Variants in ZNF148 observed in about 807,000 individuals in gnomAD.
ZNF148 encodes the protein Beta-Enolase Repressor Factor-1.
Under a neutral mutation model 67.7 loss-of-function variants are expected in ZNF148, and 7 were observed. The ratio of observed to expected loss-of-function variants is 0.10; its 90% confidence interval spans 0.06 to 0.19. ZNF148 has a LOEUF of 0.19. Among genes scored for constraint, ZNF148 ranks in the 10% least tolerant of loss-of-function variants. The probability of loss-of-function intolerance (pLI) is 1.00; values close to 1 mark genes in which losing one functional copy is unlikely to be tolerated. For missense variants in ZNF148, 583 were observed against 947.1 expected (o/e 0.62, Z 5.05); for synonymous variants, 333 against 330.7 (o/e 1.01, Z -0.08).
At chr3:125,272,892 G>C (rs1937832521) in intron 7 of ZNF148, among the ~76,000 whole-genome samples, 1 of 152,174 alleles carries the variant, frequency 6.6e-6, no homozygotes, top group Non-Finnish European at 1.5e-5. Flanking sequence ...CTCTGTCCAT[G>C]CCAGTGCAGT....
chr3:125,348,777 C>A (rs745411343), intron 1 of ZNF148, among the ~76,000 whole-genome samples: 1 of 152,100 alleles, frequency 6.6e-6, no homozygotes. Context: ...ACCACAAAAG[C>A]CCCCGAATGT....
intron 1 of ZNF148, among the ~76,000 whole-genome samples, chr3:125,333,456 T>G (rs1941370598): frequency 6.6e-6 from 1 of 152,220 alleles, no homozygotes; most frequent in Non-Finnish European, 1.5e-5. Context: ...GGAACCCTAA[T>G]TCATTTAGCA....
At chr3:125,323,968 A>G (rs1940906347) in intron 2 of ZNF148, among the ~76,000 whole-genome samples, 1 of 151,908 alleles carries the variant, frequency 6.6e-6, no homozygotes, top group South Asian at 2.1e-4. Context: ...CAAAAAAAAA[A>G]AAAAGGAAAA....
chr3:125,258,909 G>A (rs1269741047), intron 7 of ZNF148, among the ~76,000 whole-genome samples: 2 of 151,776 alleles, frequency 1.3e-5, no homozygotes, highest in Non-Finnish European at 2.9e-5. Context: ...CCAAATTTTT[G>A]GTTTTGGATT....
At position 125,279,254 on chromosome 3, in the gene ZNF148, C is replaced by CAAAAAAA; in HGVS notation, c.460-14_460-8dup. On this transcript the variant is annotated splice_polypyrimidine_tract_variant and splice_region_variant and intron_variant, in intron 5 of 8. Coordinates refer to ENST00000360647, the MANE Select transcript of ZNF148 (RefSeq NM_021964.3). ...CCTCATTTATTGTAAGGATCTAGTT[C>CAAAAAAA]AAAAAAAAAAAGGCAAAAACAAAAG... 1 of 1,316,884 alleles carries CAAAAAAA rather than the reference C, an allele frequency of 7.6e-7. No individual in the cohort carries two copies. The highest frequency in any genetic ancestry group is 1.8e-5 in the South Asian group (1 of 57,054). 81.6% of individuals were successfully genotyped at this position (1,316,884 alleles called of 1,614,324 possible).
Position 125,313,471 on chromosome 3 carries a change from A to T in ZNF148, c.170T>A (p.Ile57Asn). The T allele has an allele frequency of 1.2e-6, 2 of 1,614,026 alleles. No homozygotes were observed. Among genetic ancestry groups the T allele is most frequent in the Non-Finnish European group, 1.7e-6 (2 of 1,180,020 alleles). ...LQDRSMPHQEILAADEVLQES... is the reference protein window; with the variant it reads ...LQDRSMPHQENLAADEVLQES... ...TTGTAACACTTCATCTGCAGCAAGG[A>T]TCTCCTGGTGAGGCATACTTCGATC... The change falls in exon 4 of 9, where the codon ATC (isoleucine) becomes AAC (asparagine). Residue 57 changes from isoleucine (I) to asparagine (N), a missense_variant. Physicochemically the swap from Ile to Asn is moderately radical, Grantham distance 149 (BLOSUM62 -3). Around this residue, in one of 5 missense-constraint regions of ZNF148, gnomAD observed 150 missense variants for 202.5 expected, o/e 0.74. Transcript: ENST00000360647.
At chr3:125,341,216 C>A (rs552253022) in intron 1 of ZNF148, among the ~76,000 whole-genome samples, 1 of 147,986 alleles carries the variant, frequency 6.8e-6, no homozygotes, top group Admixed American at 6.8e-5. Flanking sequence ...CACAATTATA[C>A]ATTATCCAGA....
intron 4 of ZNF148, among the ~76,000 whole-genome samples, chr3:125,294,264 A>G (rs1025944004): frequency 5.3e-5 from 8 of 152,210 alleles, no homozygotes; most frequent in Admixed American, 3.9e-4. Context: ...AAAAAACAGG[A>G]TAACTCAATG....
intron 4 of ZNF148, among the ~76,000 whole-genome samples, chr3:125,303,854 G>T (rs1939729876): frequency 6.6e-6 from 1 of 152,022 alleles, no homozygotes; most frequent in Admixed American, 6.6e-5. Context: ...ACGGTTAGGG[G>T]TTGCTGCATA....
intron 1 of ZNF148, among the ~76,000 whole-genome samples, chr3:125,349,380 C>CA (rs1474467269): frequency 1.3e-5 from 2 of 152,070 alleles, no homozygotes; most frequent in Non-Finnish European, 2.9e-5. Context: ...AACTCAATAG[C>CA]AAAAAATAAC....
At chr3:125,367,858 G>A (rs1186679341) in intron 1 of ZNF148, among the ~76,000 whole-genome samples, 1 of 152,196 alleles carries the variant, frequency 6.6e-6, no homozygotes, top group African/African-American at 2.4e-5. Context: ...TACGAAGACG[G>A]AAAACAGACC....
rs980740328 is a variant in ZNF148, at chr3:125,329,724, CA to C, written c.-153+1433del. Among the ~76,000 whole-genome samples the C allele has an allele frequency of 6.3e-3, 867 of 137,514 alleles. 4 individuals carry two copies. Among genetic ancestry groups the C allele is most frequent in the African/African-American group, 0.02 (735 of 37,314 alleles). The allele number at this position is 137,514 out of a possible 152,430, so 90.2% of individuals were successfully genotyped here. ...TTCACTACATCATCATTTATAATAG[CA>C]AAAAAAAAAGCCTAAATATCCATAA... is the stretch of plus-strand genomic sequence containing the variant. On this transcript the variant is annotated intron_variant, in intron 2 of 8. Coordinates refer to ENST00000360647, the MANE Select transcript of ZNF148 (RefSeq NM_021964.3).
chr3:125,279,903 G>A (rs1938285999), intron 5 of ZNF148, among the ~76,000 whole-genome samples: 1 of 152,002 alleles, frequency 6.6e-6, no homozygotes, highest in African/African-American at 2.4e-5. Context: ...TGATGGCTGG[G>A]GAACTGGGCA....
chr3:125,348,399 C>T (rs542071521), intron 1 of ZNF148, among the ~76,000 whole-genome samples: 47 of 146,506 alleles, frequency 3.2e-4, no homozygotes, highest in African/African-American at 1.1e-3. Flanking sequence ...GAGGATCACT[C>T]GGGCCCGAGA....
At chr3:125,371,314 C>G (rs1038096879) in intron 1 of ZNF148, among the ~76,000 whole-genome samples, 35 of 132,340 alleles carry the variant, frequency 2.6e-4, no homozygotes, top group African/African-American at 1.0e-3. Context: ...TGGGAACATG[C>G]GCACTGCACT....
At chr3:125,237,745 G>C (rs1286388681) in intron 7 of ZNF148, among the ~76,000 whole-genome samples, 1 of 152,120 alleles carries the variant, frequency 6.6e-6, no homozygotes, top group Admixed American at 6.6e-5. Context: ...TTAACATTAA[G>C]ATGGCAAAAC....
intron 7 of ZNF148, among the ~76,000 whole-genome samples, chr3:125,271,060 A>G (rs1346722477): frequency 1.3e-5 from 2 of 152,228 alleles, no homozygotes; most frequent in Non-Finnish European, 2.9e-5. Context: ...TAAATATTAT[A>G]CAATTTTCTT....
chr3:125,317,679 A>AGAGAGAGAGAGAG (rs61407940), intron 3 of ZNF148, among the ~76,000 whole-genome samples: 1 of 114,846 alleles, frequency 8.7e-6, no homozygotes, highest in Non-Finnish European at 1.9e-5. Context: ...AGAGAGAGAG[A>AGAGAGAGAGAGAG]AATACATATA....
intron 1 of ZNF148, among the ~76,000 whole-genome samples, chr3:125,367,618 T>C (rs988713462): frequency 6.6e-6 from 1 of 152,200 alleles, no homozygotes; most frequent in Non-Finnish European, 1.5e-5. Flanking sequence ...TCCTAAATTA[T>C]CTCAAATATC....
Sources: gnomAD v4.1 joint callset for allele counts (sites outside exome capture counted in the v4.1 genomes callset) on GRCh38, gnomAD v4.1.1 for gene constraint, gnomAD v4.1.1 regional missense constraint, MANE v1.5 for transcripts, NCBI Gene and HGNC (gene_info 2026-07-23, HGNC 2026-07-21) for gene names.